The following FBXL5 variants were observed in gnomAD, a reference collection of about 807,000 sequenced individuals.
FBXL5 encodes F-box/LRR-repeat protein 5.
FBXL5 carries 26 observed loss-of-function variants against 78.3 expected under a neutral mutation model. That is an observed-to-expected ratio of 0.33 (90% confidence interval 0.24 to 0.46). The LOEUF is 0.46. Among genes scored for constraint, FBXL5 ranks in the 20% least tolerant of loss-of-function variants. The pLI is 1.00. For missense variants in FBXL5, 710 were observed against 829.2 expected, an observed-to-expected ratio of 0.86 and a Z score of 1.77; for synonymous variants, 295 against 282.5, an observed-to-expected ratio of 1.04 and a Z score of -0.45.
At chr4:15,651,071 A>ATTT (rs1420368700) in intron 1 of FBXL5, among the ~76,000 whole-genome samples, 1 of 152,186 alleles carries the variant, frequency 6.6e-6, no homozygotes, top group African/African-American at 2.4e-5. Flanking sequence ...GCATAACAAA[A>ATTT]ACACATATAT....
upstream of FBXL5, among the ~76,000 whole-genome samples, chr4:15,658,379 A>G (rs1296610487): frequency 3.9e-5 from 6 of 152,132 alleles, no homozygotes; most frequent in Non-Finnish European, 7.3e-5. Flanking sequence ...CCTTTCTAAA[A>G]CTCATGCTGA....
intron 9 of FBXL5, among the ~76,000 whole-genome samples, chr4:15,615,274 A>C (rs778489939): frequency 6.6e-6 from 1 of 152,186 alleles, no homozygotes; most frequent in Non-Finnish European, 1.5e-5. Flanking sequence ...CAGTCCCATC[A>C]ACCACCCAAG....
At chr4:15,638,735 C>A in intron 3 of FBXL5, 41 bp from the exon 4 acceptor site, 2 of 1,285,896 alleles carry the variant, frequency 1.6e-6, no homozygotes, top group Non-Finnish European at 2.2e-6. Flanking sequence ...ATGCTTCATT[C>A]GTGTTGATTT....
chr4:15,631,932 T>G (rs571896549), intron 5 of FBXL5, among the ~76,000 whole-genome samples: 1 of 152,374 alleles, frequency 6.6e-6, no homozygotes, highest in South Asian at 2.1e-4. Flanking sequence ...AGATCCCATT[T>G]GTCAATATTG....
intron 2 of FBXL5, among the ~76,000 whole-genome samples, chr4:15,643,913 T>A (rs7675716): frequency 0.01 from 1,595 of 152,306 alleles, 20 homozygotes; most frequent in African/African-American, 0.037. Context: ...GCATTCATTA[T>A]AAAATTTTAT....
chr4:15,670,635 C>G (rs1005716124), intron 1 of FBXL5, among the ~76,000 whole-genome samples: 11 of 151,952 alleles, frequency 7.2e-5, no homozygotes, highest in African/African-American at 2.7e-4. Context: ...GCCCCTGGGC[C>G]CCTCCCCCCA....
upstream of FBXL5, among the ~76,000 whole-genome samples, chr4:15,663,602 G>C (rs190866506): frequency 2.6e-5 from 4 of 152,298 alleles, no homozygotes; most frequent in East Asian, 7.7e-4. Flanking sequence ...TCACTCATCT[G>C]TGAAATGGAA....
At chr4:15,627,254 C>A (rs548015685) in intron 7 of FBXL5, among the ~76,000 whole-genome samples, 1 of 151,770 alleles carries the variant, frequency 6.6e-6, no homozygotes, top group Non-Finnish European at 1.5e-5. Flanking sequence ...TCTGCCTCAG[C>A]CTCCTGAGTA....
intron 9 of FBXL5, among the ~76,000 whole-genome samples, chr4:15,624,924 CT>C (rs1276521357): frequency 6.6e-6 from 1 of 152,152 alleles, no homozygotes; most frequent in Non-Finnish European, 1.5e-5. Context: ...TGCATATTTT[CT>C]TGTTACATGT....
At chr4:15,635,607 G>T (rs573878190) in intron 5 of FBXL5, among the ~76,000 whole-genome samples, 1 of 151,750 alleles carries the variant, frequency 6.6e-6, no homozygotes, top group Admixed American at 6.6e-5. Flanking sequence ...TACAAAATTA[G>T]CCAGGTGTGG....
At chr4:15,654,124 A>G (rs1716505130) in intron 1 of FBXL5, among the ~76,000 whole-genome samples, 1 of 152,216 alleles carries the variant, frequency 6.6e-6, no homozygotes, top group South Asian at 2.1e-4. Context: ...GCATCCTCCA[A>G]TCGCCTGGCT....
intron 3 of FBXL5, among the ~76,000 whole-genome samples, chr4:15,639,959 G>A (rs1041917510): frequency 1.6e-4 from 25 of 152,110 alleles, no homozygotes; most frequent in African/African-American, 5.6e-4. Flanking sequence ...CCATATTAGA[G>A]ACAGAAGAAA....
At chr4:15,614,855 C>T (rs1711610457) in intron 9 of FBXL5, among the ~76,000 whole-genome samples, 1 of 152,158 alleles carries the variant, frequency 6.6e-6, no homozygotes, top group African/African-American at 2.4e-5. Flanking sequence ...CTGTGGGAGC[C>T]CCTTTCTGGG....
Position 15,627,894 on chromosome 4 carries a change from G to A in FBXL5, c.1032C>T (p.Ser344=), listed in dbSNP as rs532599201. ...TLVLAYSSAV[S]SKMVRQILEL... is the part of the protein sequence containing the mutation. The stretch of plus-strand genomic sequence containing the variant: ...GTTAATTTAAACATACCATTTTGCT[G>A]GAAACTGCAGAGCTGTATGCTAATA... The change falls in exon 7 of 11, where the codon TCC becomes TCT. Residue 344 remains serine, a synonymous_variant. Transcript: ENST00000341285. 2 of 1,606,636 alleles carry A rather than the reference G, an allele frequency of 1.2e-6. No individual in the cohort carries two copies. Among genetic ancestry groups the A allele is most frequent in the South Asian group, 1.1e-5 (1 of 89,938 alleles).
intron 2 of FBXL5, among the ~76,000 whole-genome samples, chr4:15,642,370 C>T (rs1714972210): frequency 6.6e-6 from 1 of 151,662 alleles, no homozygotes; most frequent in East Asian, 1.9e-4. Context: ...GTAGCTGGGA[C>T]TACAGGTGCC....
At chr4:15,639,583 G>A (rs114048884) in intron 3 of FBXL5, among the ~76,000 whole-genome samples, 188 of 152,278 alleles carry the variant, frequency 1.2e-3, no homozygotes, top group African/African-American at 4.3e-3. Context: ...ATCTTTAGAG[G>A]TTGGAAACAA....
rs768638066 is a variant in FBXL5 at position 15,640,876 on chromosome 4, T to C, written c.308A>G (p.Tyr103Cys). Residue 103 changes from tyrosine to cysteine, a missense_variant, in exon 3 of 11, where the codon TAT becomes TGT. This residue lies in a region of FBXL5 where 132 missense variants were observed against 156.9 expected (regional missense o/e 0.84). Transcript: ENST00000341285. ...TTGTTTTGCATAATTTAACTGTTCA[T>C]ATTCATTCTGGAAACCAAAAAAAAA... ...EKGLKNVKNE[Y>C]EQLNYAKQLK... The C allele has an allele frequency of 2.0e-6, 3 of 1,481,564 alleles. No homozygotes were observed. The highest frequency in any genetic ancestry group is 2.7e-6 in the Non-Finnish European group (3 of 1,108,776). The allele number at this position is 1,481,564 out of a possible 1,614,324, so 91.8% of individuals were successfully genotyped here.
At chr4:15,653,658 CCTG>C (rs1322770843) in intron 1 of FBXL5, among the ~76,000 whole-genome samples, 1 of 150,276 alleles carries the variant, frequency 6.7e-6, no homozygotes, top group Non-Finnish European at 1.5e-5. Context: ...TTTTTTCTTT[CCTG>C]CTATTAAAGA....
intron 1 of FBXL5, among the ~76,000 whole-genome samples, chr4:15,648,927 C>G (rs1057350822): frequency 1.3e-5 from 2 of 152,088 alleles, no homozygotes; most frequent in South Asian, 4.1e-4. Context: ...TTTTGGTAAT[C>G]ATTATACAAT....
Sources: gnomAD v4.1 joint callset for allele counts (sites outside exome capture counted in the v4.1 genomes callset) on GRCh38, gnomAD v4.1.1 for gene constraint, gnomAD v4.1.1 regional missense constraint, MANE v1.5 for transcripts, NCBI Gene and HGNC (gene_info 2026-07-23, HGNC 2026-07-21) for gene names.